The following FAM184A variants were observed in gnomAD, a reference collection of about 807,000 sequenced individuals.
FAM184A encodes the protein protein FAM184A.
In FAM184A, 99 loss-of-function variants were observed where a neutral mutation model predicts 143.8. The ratio of observed to expected loss-of-function variants is 0.69; its 90% CI spans 0.58 to 0.81. The LOEUF (loss-of-function observed/expected upper bound fraction) is 0.81, where lower values mean the gene tolerates loss of function less well. Among genes scored for constraint, FAM184A ranks in the 40% least tolerant of loss-of-function variants. The probability of loss-of-function intolerance (pLI) is 0.00; values close to 1 mark genes in which losing one functional copy is unlikely to be tolerated. For missense variants in FAM184A, 1,217 were observed against 1,310.5 expected (o/e 0.93, Z 1.10); for synonymous variants, 427 against 446.4 (o/e 0.96, Z 0.55).
chr6:119,114,729 A>G (rs1025420831), intron 1 of FAM184A, among the ~76,000 whole-genome samples: 3 of 152,170 alleles, frequency 2.0e-5, no homozygotes, highest in African/African-American at 7.2e-5. Flanking sequence ...TTATGTAGAT[A>G]TGGGGTTTCA....
At chr6:119,019,636 C>T (rs1785375928) in intron 4 of FAM184A, among the ~76,000 whole-genome samples, 1 of 152,136 alleles carries the variant, frequency 6.6e-6, no homozygotes, top group Admixed American at 6.5e-5. Context: ...AAATTTCCTA[C>T]ATGGATATGC....
intron 14 of FAM184A, among the ~76,000 whole-genome samples, chr6:118,971,117 T>C (rs1783683745): frequency 6.6e-6 from 1 of 152,210 alleles, no homozygotes; most frequent in South Asian, 2.1e-4. Context: ...AATATAGCAA[T>C]TGAAGCACTT....
At chr6:119,140,614 A>G (rs1772196896) in intron 1 of FAM184A, among the ~76,000 whole-genome samples, 1 of 152,166 alleles carries the variant, frequency 6.6e-6, no homozygotes. Context: ...CTGGCAACAC[A>G]ATGCCTGCAA....
upstream of FAM184A, among the ~76,000 whole-genome samples, chr6:119,079,392 G>GT (rs1395256839): frequency 6.6e-6 from 1 of 152,028 alleles, no homozygotes; most frequent in Non-Finnish European, 1.5e-5. Context: ...GAAAGTAATG[G>GT]TAAAAAAAAC....
In FAM184A at chr6:119,024,579, A is replaced by T. The variant is rs1385666222; in HGVS notation, c.394T>A (p.Tyr132Asn). ...TGCATGTCCTCAACTCTGTGCTTAT[A>T]AGCTTCAAATTCTGTCAAAGCCTGC... ...KQQALTEFEAYKHRVEDMQLC... is the reference protein window; with the variant it reads ...KQQALTEFEANKHRVEDMQLC... Residue 132 changes from tyrosine (Y) to asparagine (N), a missense_variant, in exon 2 of 18, where the codon TAT becomes AAT. Physicochemically the swap from Tyr to Asn is moderately radical, Grantham distance 143. Coordinates refer to ENST00000338891, the MANE Select transcript of FAM184A (RefSeq NM_024581.6). The T allele has an allele frequency of 6.2e-7, 1 of 1,614,162 alleles. No individual in the cohort carries two copies.
chr6:119,106,445 A>G (rs1788785184), intron 1 of FAM184A, among the ~76,000 whole-genome samples: 1 of 152,246 alleles, frequency 6.6e-6, no homozygotes, highest in Non-Finnish European at 1.5e-5. Flanking sequence ...AAGAGAATGT[A>G]TTAAATGATC....
chr6:119,030,196 TAAAAA>T (rs1785816197), intron 1 of FAM184A, among the ~76,000 whole-genome samples: 1 of 152,086 alleles, frequency 6.6e-6, no homozygotes, highest in Non-Finnish European at 1.5e-5. Context: ...TCTAAAAACT[TAAAAA>T]GAAATAACAA....
chr6:119,144,212 T>C (rs1298213170), intron 1 of FAM184A, among the ~76,000 whole-genome samples: 1 of 150,362 alleles, frequency 6.7e-6, no homozygotes, highest in Admixed American at 6.6e-5. Context: ...CGGGCGCCTG[T>C]AGTCCCAGCT....
intron 1 of FAM184A, among the ~76,000 whole-genome samples, chr6:119,099,274 C>G (rs1371639859): frequency 1.3e-5 from 2 of 152,056 alleles, no homozygotes; most frequent in African/African-American, 4.8e-5. Context: ...TCCCTGAATC[C>G]TCATCTTTAG....
At chr6:119,016,440 C>T (rs953898201) in intron 5 of FAM184A, among the ~76,000 whole-genome samples, 3 of 152,112 alleles carry the variant, frequency 2.0e-5, no homozygotes, top group African/African-American at 7.2e-5. Context: ...GACCACGAGC[C>T]CACTGGGAGG....
chr6:119,030,994 G>C (rs924025892), intron 1 of FAM184A, among the ~76,000 whole-genome samples: 1 of 151,752 alleles, frequency 6.6e-6, no homozygotes, highest in Non-Finnish European at 1.5e-5. Flanking sequence ...ATAAGCAATA[G>C]TAATTTTTAC....
rs187411329 is a variant in FAM184A at position 119,001,112 on chromosome 6, A to G, written c.2088+1787T>C. Among the ~76,000 whole-genome samples, 7 of 148,550 alleles carry G rather than the reference A, an allele frequency of 4.7e-5. No homozygotes were observed. The East Asian group carries it at 1.2e-3, about 25-fold the overall frequency. On this transcript the variant is annotated intron_variant, in intron 9 of 17. Coordinates refer to ENST00000338891, the MANE Select transcript of FAM184A (RefSeq NM_024581.6). ...TTTAAAAAGAACCACTGGTCCTACTATAATTTTTTGTCATCTAGTATGCCT... is the reference window on the plus strand; with the variant it reads ...TTTAAAAAGAACCACTGGTCCTACTGTAATTTTTTGTCATCTAGTATGCCT...
At chr6:119,075,628 A>C (rs1297347033) in intron 1 of FAM184A, among the ~76,000 whole-genome samples, 1 of 152,228 alleles carries the variant, frequency 6.6e-6, no homozygotes, top group Admixed American at 6.5e-5. Context: ...ATCCAATTTT[A>C]ATTGTTACAT....
intron 1 of FAM184A, among the ~76,000 whole-genome samples, chr6:119,052,499 C>A (rs1443568715): frequency 6.6e-6 from 1 of 152,254 alleles, no homozygotes; most frequent in Non-Finnish European, 1.5e-5. Context: ...TCCCCTCATG[C>A]TGTGCCACAA....
chr6:119,037,490 C>T (rs927007767), intron 1 of FAM184A, among the ~76,000 whole-genome samples: 3 of 152,132 alleles, frequency 2.0e-5, no homozygotes, highest in Admixed American at 6.6e-5. Flanking sequence ...TTGGTTTATT[C>T]TGATAACATG....
chr6:119,115,403 A>T (rs1789029902), intron 1 of FAM184A, among the ~76,000 whole-genome samples: 1 of 152,196 alleles, frequency 6.6e-6, no homozygotes, highest in Admixed American at 6.5e-5. Flanking sequence ...GTCAAGACTG[A>T]TGATGTGACT....
chr6:119,034,019 AATATATAT>A (rs1166841690), intron 1 of FAM184A, among the ~76,000 whole-genome samples: 22 of 63,530 alleles, frequency 3.5e-4, no homozygotes, highest in African/African-American at 7.7e-4. Flanking sequence ...AAAAAAAAAA[AATATATAT>A]ATATATATAT....
intron 11 of FAM184A, among the ~76,000 whole-genome samples, chr6:118,976,325 T>C (rs1197752448): frequency 6.6e-6 from 1 of 152,136 alleles, no homozygotes; most frequent in South Asian, 2.1e-4. Context: ...GGTAAAGTGC[T>C]AATGGAGATG....
At chr6:119,081,235 A>T (rs1437216688), upstream of FAM184A, among the ~76,000 whole-genome samples, 1 of 152,200 alleles carries the variant, frequency 6.6e-6, no homozygotes, top group East Asian at 1.9e-4. Flanking sequence ...TTATAAAACT[A>T]TCAGATCTTG....
Sources: allele counts gnomAD v4.1 joint callset (sites outside exome capture counted in the v4.1 genomes callset), GRCh38; gene constraint gnomAD v4.1.1; transcripts MANE v1.5; gene names NCBI Gene and HGNC (gene_info 2026-07-23, HGNC 2026-07-21).